Variants in SASH1 observed in about 807,000 individuals in gnomAD.
SASH1 encodes SAM and SH3 domain-containing protein 1.
A neutral mutation model predicts 125.2 loss-of-function variants in SASH1; 44 were observed. That is an observed-to-expected ratio of 0.35 (90% CI 0.28 to 0.45). SASH1 has a LOEUF of 0.45. SASH1 is among the 20% of genes least tolerant of loss of function. SASH1 has a pLI of 1.00. For synonymous variants in SASH1, 639 were observed against 649.1 expected, an observed-to-expected ratio of 0.98 and a Z score of 0.24; for missense variants, 1,426 against 1,614.5, an observed-to-expected ratio of 0.88 and a Z score of 2.00.
At chr6:148,409,214 A>C (rs1303478287) in intron 2 of SASH1, among the ~76,000 whole-genome samples, 1 of 152,166 alleles carries the variant, frequency 6.6e-6, no homozygotes, top group East Asian at 1.9e-4. Context: ...TTTAAGTTGC[A>C]TCTCTGTGTC....
chr6:148,513,321 GA>G, intron 8 of SASH1: 1 of 985,472 alleles, frequency 1.0e-6, no homozygotes. Context: ...ACGTGAGCTG[GA>G]ATTGCTCACC....
At chr6:148,307,302 G>T (rs144692185) in intron 1 of SASH1, among the ~76,000 whole-genome samples, 4 of 151,596 alleles carry the variant, frequency 2.6e-5, no homozygotes, top group Non-Finnish European at 4.4e-5. Context: ...ATTTTTAGTG[G>T]AGACAGGGTT....
chr6:148,545,955 A>C (rs937695023), intron 18 of SASH1, 60 bp from the exon 19 acceptor site: 1 of 1,556,712 alleles, frequency 6.4e-7, no homozygotes, highest in Non-Finnish European at 8.8e-7. Context: ...GGTGTATCTT[A>C]GGGAAAGAAA....
the SASH1 span, among the ~76,000 whole-genome samples, chr6:148,213,854 T>C: frequency 6.6e-5 from 10 of 152,318 alleles, no homozygotes; most frequent in South Asian, 2.1e-3. Context: ...GCATCTTAAC[T>C]GTCTAGTTTA....
rs1781575897 is a variant in SASH1 at position 148,348,036 on chromosome 6, T to C, written c.156+4813T>C. On this transcript the variant is annotated intron_variant, in intron 1 of 19. Coordinates refer to ENST00000367467, the MANE Select transcript of SASH1 (RefSeq NM_015278.5). ...ATTTATTTATTTTTGAGAAGGAGTC[T>C]CACTCTGTCTCCCAGGCTGGAGTGC... 3.9e-5 allele frequency among the ~76,000 whole-genome samples: 6 copies of C among 152,182 alleles called. No homozygotes were observed. In the South Asian group the frequency reaches 1.2e-3, roughly 32 times the overall value.
chr6:148,362,228 CT>C (rs369570386), intron 1 of SASH1, among the ~76,000 whole-genome samples: 163 of 124,404 alleles, frequency 1.3e-3, no homozygotes, highest in Admixed American at 1.4e-3. Context: ...TGCCTGGCCT[CT>C]TTTTTTTTTT....
chr6:148,217,790 T>A, the SASH1 span, among the ~76,000 whole-genome samples: 1 of 150,036 alleles, frequency 6.7e-6, no homozygotes, highest in East Asian at 2.0e-4. Flanking sequence ...GGTGGGAGGA[T>A]CCTTTGAGGC....
chr6:148,288,045 G>A (rs757643720), intron 1 of SASH1, among the ~76,000 whole-genome samples: 1 of 152,214 alleles, frequency 6.6e-6, no homozygotes, highest in Non-Finnish European at 1.5e-5. Flanking sequence ...ACTGCAGACA[G>A]AAAAGACGTT....
intron 1 of SASH1, among the ~76,000 whole-genome samples, chr6:148,291,704 C>T (rs1779637697): frequency 6.6e-6 from 1 of 151,778 alleles, no homozygotes; most frequent in Non-Finnish European, 1.5e-5. Context: ...CAACAACAAA[C>T]AGTGTATTTA....
At chr6:148,232,740 C>T in the SASH1 span, among the ~76,000 whole-genome samples, 3 of 152,148 alleles carry the variant, frequency 2.0e-5, no homozygotes, top group Admixed American at 6.5e-5. Flanking sequence ...CATCCTACAA[C>T]CCCACTGTGC....
At chr6:148,475,996 T>C (rs1448352297) in intron 7 of SASH1, among the ~76,000 whole-genome samples, 1 of 152,040 alleles carries the variant, frequency 6.6e-6, no homozygotes, top group African/African-American at 2.4e-5. Context: ...CACATAGTAC[T>C]GAAAGTCCTA....
At chr6:148,288,320 C>T (rs763050673) in intron 1 of SASH1, among the ~76,000 whole-genome samples, 3 of 152,238 alleles carry the variant, frequency 2.0e-5, no homozygotes, top group Non-Finnish European at 4.4e-5. Flanking sequence ...ACAGTAGAGG[C>T]ATCACGGGAA....
At chr6:148,298,045 C>T (rs1156626305) in intron 1 of SASH1, among the ~76,000 whole-genome samples, 12 of 149,974 alleles carry the variant, frequency 8.0e-5, no homozygotes, top group South Asian at 2.1e-4. Context: ...CTCGCTCTGT[C>T]GCCCAGGCTG....
intron 1 of SASH1, among the ~76,000 whole-genome samples, chr6:148,273,326 C>T (rs1167526437): frequency 6.7e-6 from 1 of 148,972 alleles, no homozygotes; most frequent in African/African-American, 2.5e-5. Flanking sequence ...CAGAGTCTCC[C>T]TCTGTCATCC....
intron 8 of SASH1, among the ~76,000 whole-genome samples, chr6:148,488,537 G>A (rs560852778): frequency 7.9e-5 from 12 of 152,340 alleles, no homozygotes; most frequent in East Asian, 1.9e-4. Flanking sequence ...TCTGGATCAT[G>A]TAGTAATTCT....
chr6:148,405,986 A>G (rs1013582785), intron 2 of SASH1, among the ~76,000 whole-genome samples: 2 of 152,166 alleles, frequency 1.3e-5, no homozygotes, highest in Non-Finnish European at 1.5e-5. Context: ...AGTGGCCTCC[A>G]TGGTAAAAGA....
chr6:148,504,311 C>A (rs1431677411), intron 8 of SASH1, among the ~76,000 whole-genome samples: 1 of 152,128 alleles, frequency 6.6e-6, no homozygotes, highest in Non-Finnish European at 1.5e-5. Context: ...GGTGCCCTTT[C>A]TACCACGTGG....
chr6:148,451,532 A>G (rs1459438155), intron 4 of SASH1, among the ~76,000 whole-genome samples: 2 of 152,140 alleles, frequency 1.3e-5, no homozygotes, highest in South Asian at 2.1e-4. Context: ...GCACGGTGAG[A>G]TGCGCCTGTA....
the SASH1 span, among the ~76,000 whole-genome samples, chr6:148,211,164 G>T: frequency 6.6e-6 from 1 of 152,222 alleles, no homozygotes; most frequent in Admixed American, 6.5e-5. Flanking sequence ...TCATTCAACA[G>T]TTTATTACCT....
Sources: gnomAD v4.1 joint callset for allele counts (sites outside exome capture counted in the v4.1 genomes callset) on GRCh38, gnomAD v4.1.1 for gene constraint, MANE v1.5 for transcripts, NCBI Gene and HGNC (gene_info 2026-07-23, HGNC 2026-07-21) for gene names.